The following SYCP1 variants were observed in gnomAD, a reference collection of about 807,000 sequenced individuals.
SYCP1 encodes cancer/testis antigen 8.
Under a neutral mutation model 153.1 loss-of-function variants are expected in SYCP1, and 64 were observed. The observed-to-expected ratio is 0.42, with a 90% confidence interval of 0.34 to 0.51. The LOEUF is 0.51. SYCP1 is among the 20% of genes least tolerant of loss of function. The probability of loss-of-function intolerance (pLI) is 0.06; values close to 1 mark genes in which losing one functional copy is unlikely to be tolerated. For synonymous variants in SYCP1, 384 were observed against 341.8 expected (o/e 1.12, Z -1.36); for missense variants, 997 against 1,049.0 (o/e 0.95, Z 0.68).
At chr1:114,922,397 G>A (rs1668952457) in intron 20 of SYCP1, among the ~76,000 whole-genome samples, 1 of 152,100 alleles carries the variant, frequency 6.6e-6, no homozygotes, top group Non-Finnish European at 1.5e-5. Flanking sequence ...TAGTTCCATA[G>A]GTCATACAGA....
chr1:114,912,976 A>C, intron 18 of SYCP1, 57 bp from the exon 19 acceptor site: 1 of 1,237,978 alleles, frequency 8.1e-7, no homozygotes, highest in Non-Finnish European at 1.2e-6. Flanking sequence ...ATAAAATTCC[A>C]TATTATGTCA....
Position 114,855,444 on chromosome 1 carries a change from T to A in SYCP1, c.-21T>A, listed in dbSNP as rs748874295. ...TCCCGCCCCCCCGGGGCAGTAGATA[T>A]TTACAACCGTAACAGAGAAAATGGA... On this transcript the variant is annotated 5_prime_UTR_variant, in exon 2 of 32. Coordinates refer to ENST00000369522, the MANE Select transcript of SYCP1 (RefSeq NM_003176.4). The A allele has an allele frequency of 3.1e-6, 5 of 1,601,052 alleles. No homozygotes were observed. In the South Asian group the frequency reaches 3.3e-5, roughly 11 times the overall value.
At chr1:114,956,247 G>T in intron 27 of SYCP1, among the ~76,000 whole-genome samples, 1 of 152,164 alleles carries the variant, frequency 6.6e-6, no homozygotes, top group East Asian at 1.9e-4. Flanking sequence ...ATCTTGGATG[G>T]GTGGTGGGGG....
At chr1:114,969,788 G>A (rs1672360383) in intron 27 of SYCP1, among the ~76,000 whole-genome samples, 1 of 152,116 alleles carries the variant, frequency 6.6e-6, no homozygotes, top group Admixed American at 6.5e-5. Context: ...GCACCCAATG[G>A]AATCTCCTGG....
chr1:114,920,302 T>G (rs994045446), intron 20 of SYCP1, among the ~76,000 whole-genome samples: 2 of 152,166 alleles, frequency 1.3e-5, no homozygotes, highest in Non-Finnish European at 2.9e-5. Context: ...AAATTCTTCT[T>G]GTTATTAACT....
intron 29 of SYCP1, among the ~76,000 whole-genome samples, chr1:114,984,045 A>G (rs1673338826): frequency 6.6e-6 from 1 of 151,876 alleles, no homozygotes; most frequent in African/African-American, 2.4e-5. Flanking sequence ...GGCTATAGGG[A>G]TGGGCCACCA....
rs1216380663 is a variant in SYCP1 at position 114,984,780 on chromosome 1, A to G, written c.2615A>G (p.Asn872Ser). 6.6e-7 allele frequency: 1 copy of G among 1,519,168 alleles called. No individual in the cohort carries two copies. The highest frequency in any genetic ancestry group is 8.8e-7 in the Non-Finnish European group (1 of 1,135,306). 94.1% of individuals were successfully genotyped at this position (1,519,168 alleles called of 1,614,324 possible). The change falls in exon 30 of 32, where the codon AAT becomes AGT. Residue 872 changes from asparagine (N) to serine (S), a missense_variant. Physicochemically the swap from Asn to Ser is conservative, Grantham distance 46. Around this residue, in one of 2 missense-constraint regions of SYCP1, gnomAD observed 712 missense variants for 682.9 expected, o/e 1.04. Transcript: ENST00000369522. ...AAACTACAGCAAAGAGAAAACTTGA[A>G]TATACCCATTGAAGAAAGTAAAAAA... Reference protein sequence around the residue: ...KPKLQQRENLNIPIEESKKKR... With the variant: ...KPKLQQRENLSIPIEESKKKR...
intron 24 of SYCP1, 42 bp from the exon 25 acceptor site, chr1:114,944,830 G>A (rs1182156961): frequency 7.4e-7 from 1 of 1,353,488 alleles, no homozygotes. Flanking sequence ...TGTTTTTTGT[G>A]CATTTATTTT....
At chr1:114,871,697 C>T (rs1393824932) in intron 8 of SYCP1, among the ~76,000 whole-genome samples, 1 of 151,622 alleles carries the variant, frequency 6.6e-6, no homozygotes, top group African/African-American at 2.4e-5. Context: ...CTCAGCCTCC[C>T]GAGTAGCTGG....
At chr1:114,953,229 C>A (rs373686901) in intron 27 of SYCP1, among the ~76,000 whole-genome samples, 1 of 152,330 alleles carries the variant, frequency 6.6e-6, no homozygotes, top group South Asian at 2.1e-4. Context: ...ACCATAGCAT[C>A]AGATATGTGG....
chr1:114,994,486 A>G (rs527748062), intron 30 of SYCP1, among the ~76,000 whole-genome samples: 4 of 151,350 alleles, frequency 2.6e-5, no homozygotes, highest in African/African-American at 9.6e-5. Flanking sequence ...TTCTTGGCCA[A>G]TTGATTTATT....
intron 2 of SYCP1, 84 bp downstream of exon 2, chr1:114,855,656 T>C (rs1663886830): frequency 9.1e-7 from 1 of 1,102,850 alleles, no homozygotes; most frequent in Non-Finnish European, 1.3e-6. Context: ...GGTGGTGTTT[T>C]ATAATTATTT....
At chr1:114,903,415 CT>C (rs917949223) in intron 16 of SYCP1, among the ~76,000 whole-genome samples, 9 of 151,988 alleles carry the variant, frequency 5.9e-5, no homozygotes, top group African/African-American at 2.2e-4. Context: ...TTAGGATAGG[CT>C]TTTTTGAAGA....
intron 30 of SYCP1, among the ~76,000 whole-genome samples, chr1:114,988,336 C>G (rs1010299271): frequency 1.3e-5 from 2 of 151,852 alleles, no homozygotes; most frequent in Non-Finnish European, 2.9e-5. Context: ...CGAAGCTCAA[C>G]AAACTCCAAA....
intron 23 of SYCP1, among the ~76,000 whole-genome samples, chr1:114,942,106 T>C (rs1315292122): frequency 1.3e-5 from 2 of 152,064 alleles, no homozygotes; most frequent in African/African-American, 4.8e-5. Context: ...TTAGACTTGG[T>C]ATAACTAAAG....
intron 7 of SYCP1, among the ~76,000 whole-genome samples, chr1:114,860,416 C>T (rs1006962563): frequency 1.3e-5 from 2 of 152,052 alleles, no homozygotes; most frequent in Non-Finnish European, 2.9e-5. Flanking sequence ...AAATCTAGAC[C>T]TGTTTACTGA....
chr1:114,923,384 T>C, intron 20 of SYCP1, 65 bp from the exon 21 acceptor site: 1 of 1,440,784 alleles, frequency 6.9e-7, no homozygotes, highest in Non-Finnish European at 9.2e-7. Context: ...TTATTTTGAG[T>C]TATTTGAGAT....
intron 20 of SYCP1, among the ~76,000 whole-genome samples, chr1:114,918,282 CA>C (rs1255755100): frequency 6.6e-6 from 1 of 152,022 alleles, no homozygotes; most frequent in African/African-American, 2.4e-5. Flanking sequence ...GCACCTTTGT[CA>C]AAAATGAGTT....
intron 6 of SYCP1, among the ~76,000 whole-genome samples, 193 bp downstream of exon 6, chr1:114,858,904 T>C (rs1037526577): frequency 1.3e-5 from 2 of 152,214 alleles, no homozygotes; most frequent in East Asian, 3.8e-4. Flanking sequence ...GGACAAGTTG[T>C]ATAACGCTTA....
Sources: allele counts gnomAD v4.1 joint callset (sites outside exome capture counted in the v4.1 genomes callset), GRCh38; gene constraint gnomAD v4.1.1; regional missense constraint gnomAD v4.1.1; transcripts MANE v1.5; gene names NCBI Gene and HGNC (gene_info 2026-07-23, HGNC 2026-07-21).